The following RLN2 variants were observed in gnomAD, a reference collection of about 807,000 sequenced individuals.
RLN2 encodes the protein prorelaxin H2.
RLN2 carries 10 observed loss-of-function variants against 7.3 expected under a neutral mutation model. That is an observed-to-expected ratio of 1.36 (90% CI 0.84 to 2.31). The LOEUF is 2.31. Among genes scored for constraint, RLN2 ranks in the 30% most tolerant of loss-of-function variants. RLN2 has a pLI of 0.00. For missense variants in RLN2, 298 were observed against 217.6 expected, an observed-to-expected ratio of 1.37 and a Z score of -2.32; for synonymous variants, 103 against 82.3, an observed-to-expected ratio of 1.25 and a Z score of -1.36.
At chr9:5,307,454 T>C (rs1187872436), upstream of RLN2, among the ~76,000 whole-genome samples, 1 of 151,898 alleles carries the variant, frequency 6.6e-6, no homozygotes, top group Non-Finnish European at 1.5e-5. Context: ...TTGAAGTGAT[T>C]ATTTGAGTGT....
chr9:5,307,915 T>C (rs1471042800), upstream of RLN2, among the ~76,000 whole-genome samples: 8 of 152,102 alleles, frequency 5.3e-5, no homozygotes, highest in Non-Finnish European at 8.8e-5. Flanking sequence ...ATTTTACCAC[T>C]AATCTCTTTT....
chr9:5,331,314 C>T, the RLN2 span, among the ~76,000 whole-genome samples: 1 of 151,980 alleles, frequency 6.6e-6, no homozygotes, highest in East Asian at 1.9e-4. Flanking sequence ...GGCCAATACC[C>T]TGATGAACAT....
the RLN2 span, among the ~76,000 whole-genome samples, chr9:5,326,014 G>A: frequency 1.3e-3 from 201 of 152,108 alleles, 3 homozygotes; most frequent in African/African-American, 4.4e-3. Context: ...AATTACCACA[G>A]TTATAATGAA....
In RLN2 at chr9:5,301,549, A is replaced by C. The variant is rs79767468; in HGVS notation, c.212-1105T>G. ...CGATGATGTTTAAATTACAGTGAAA[A>C]CCCATATCAGGTCTTGCTGCTCTTC... On this transcript the variant is annotated intron_variant, in intron 1 of 1. Coordinates refer to ENST00000381627, the MANE Select transcript of RLN2 (RefSeq NM_134441.3). Among the ~76,000 whole-genome samples, 86 of 152,314 alleles carry C rather than the reference A, an allele frequency of 5.6e-4. 4 individuals carry two copies. The East Asian group carries it at 9.1e-3, about 16-fold the overall frequency.
chr9:5,311,842 A>G, the RLN2 span: 1 of 564,070 alleles, frequency 1.8e-6, no homozygotes, highest in Non-Finnish European at 3.1e-6. Context: ...TTTTTTTATT[A>G]TACCTTAAGT....
chr9:5,331,937 A>G, the RLN2 span, among the ~76,000 whole-genome samples: 2,804 of 152,156 alleles, frequency 0.018, 132 homozygotes, highest in African/African-American at 0.065. Flanking sequence ...CATTCTAGAA[A>G]TGTATATTAT....
chr9:5,315,906 A>T, the RLN2 span, among the ~76,000 whole-genome samples: 1 of 152,098 alleles, frequency 6.6e-6, no homozygotes, highest in Non-Finnish European at 1.5e-5. Context: ...AAAGAAGTTG[A>T]AGAAATTCAT....
the RLN2 span, among the ~76,000 whole-genome samples, chr9:5,314,944 G>A: frequency 6.6e-6 from 1 of 150,634 alleles, no homozygotes; most frequent in Non-Finnish European, 1.5e-5. Flanking sequence ...CCTTTAGCTG[G>A]GCCAATGCTA....
At chr9:5,325,049 G>A in the RLN2 span, among the ~76,000 whole-genome samples, 1 of 151,964 alleles carries the variant, frequency 6.6e-6, no homozygotes, top group African/African-American at 2.4e-5. Context: ...AGTTAGATAA[G>A]ATCTTAAGAC....
chr9:5,328,502 C>T, the RLN2 span, among the ~76,000 whole-genome samples: 5 of 151,914 alleles, frequency 3.3e-5, no homozygotes, highest in African/African-American at 7.3e-5. Flanking sequence ...ATATTATCCA[C>T]GAGAACTTCC....
chr9:5,336,467 C>G, the RLN2 span, among the ~76,000 whole-genome samples: 1 of 151,942 alleles, frequency 6.6e-6, no homozygotes, highest in South Asian at 2.1e-4. Flanking sequence ...TGCTGGACAC[C>G]CAGCTGACAT....
chr9:5,322,077 C>T, the RLN2 span, among the ~76,000 whole-genome samples: 7 of 152,010 alleles, frequency 4.6e-5, no homozygotes, highest in Non-Finnish European at 8.8e-5. Flanking sequence ...ATGGGTACAG[C>T]AAAGCCTGAA....
In RLN2 at chr9:5,300,286, G is replaced by T. The variant is rs369181284; in HGVS notation, c.370C>A (p.Leu124Ile). Residue 124 changes from leucine to isoleucine, a missense_variant, in exon 2 of 2, where the codon CTT becomes ATT. By Grantham distance (5) the Leu-to-Ile change is conservative. Coordinates refer to ENST00000381627, the MANE Select transcript of RLN2 (RefSeq NM_134441.3). ...AGTTTCTTAAATTCTTCAAAGAGAAGACTGGAATCTTTTAATACAGGTACA... is the reference window on the plus strand; with the variant it reads ...AGTTTCTTAAATTCTTCAAAGAGAATACTGGAATCTTTTAATACAGGTACA... ...QHVPVLKDSS[L>I]LFEEFKKLIR... is the part of the protein sequence containing the mutation. 4.9e-5 allele frequency: 79 copies of T among 1,613,880 alleles called. No homozygotes were observed. Among genetic ancestry groups the T allele is most frequent in the Non-Finnish European group, 6.5e-5 (77 of 1,179,902 alleles).
Position 5,300,302 on chromosome 9 carries a change from T to C in RLN2, c.354A>G (p.Val118=). 6.2e-7 allele frequency: 1 copy of C among 1,613,928 alleles called. No homozygotes were observed. The highest frequency in any genetic ancestry group is 8.5e-7 in the Non-Finnish European group (1 of 1,179,800). The change falls in exon 2 of 2, where the codon GTA becomes GTG. Residue 118 remains valine, a synonymous_variant. Transcript: ENST00000381627. ...ALPQLQQHVP[V]LKDSSLLFEE... ...CAAAGAGAAGACTGGAATCTTTTAA[T>C]ACAGGTACATGTTGTTGTAGCTGTG...
At chr9:5,324,921 C>T in the RLN2 span, among the ~76,000 whole-genome samples, 2 of 151,890 alleles carry the variant, frequency 1.3e-5, no homozygotes, top group African/African-American at 4.8e-5. Flanking sequence ...GTAATTCCAA[C>T]GTAATTTTTC....
At chr9:5,335,212 G>A in the RLN2 span, 1 of 1,252,156 alleles carries the variant, frequency 8.0e-7, no homozygotes, top group Non-Finnish European at 1.1e-6. Flanking sequence ...TCAAGACTAT[G>A]TGTGAAAATT....
upstream of RLN2, among the ~76,000 whole-genome samples, chr9:5,306,102 G>GT (rs57304439): frequency 5.0e-3 from 614 of 123,380 alleles, 11 homozygotes; most frequent in African/African-American, 0.016. Flanking sequence ...CTTTGTTTTT[G>GT]TTTTTTGTTT....
the RLN2 span, among the ~76,000 whole-genome samples, chr9:5,320,617 C>A: frequency 9.9e-5 from 15 of 152,142 alleles, no homozygotes; most frequent in East Asian, 2.9e-3. Flanking sequence ...GGGATCCGCC[C>A]ACCTCAGCCT....
At chr9:5,307,712 A>G (rs1586937332), upstream of RLN2, among the ~76,000 whole-genome samples, 2 of 151,870 alleles carry the variant, frequency 1.3e-5, no homozygotes, top group East Asian at 3.9e-4. Flanking sequence ...TGGAATCTCC[A>G]TTTCATAGAG....
Sources: allele counts gnomAD v4.1 joint callset (sites outside exome capture counted in the v4.1 genomes callset), GRCh38; gene constraint gnomAD v4.1.1; transcripts MANE v1.5; gene names NCBI Gene and HGNC (gene_info 2026-07-23, HGNC 2026-07-21).